KLF13: variants seen among roughly 807,000 people sequenced by gnomAD.
KLF13 encodes Krueppel-like factor 13.
In KLF13, 8 loss-of-function variants were observed where a neutral mutation model predicts 16.7. The observed-to-expected ratio is 0.48, with a 90% CI of 0.28 to 0.87. The LOEUF (loss-of-function observed/expected upper bound fraction) is 0.87. Ranked by LOEUF, KLF13 falls within the 40% of genes least tolerant of loss-of-function variation. KLF13 has a pLI of 0.10. For synonymous variants in KLF13, 245 were observed against 208.4 expected, an observed-to-expected ratio of 1.18 and a Z score of -1.51; for missense variants, 447 against 452.2, an observed-to-expected ratio of 0.99 and a Z score of 0.10.
intron 2 of KLF13, among the ~76,000 whole-genome samples, chr15:31,398,464 C>A (rs760970520): frequency 7.9e-5 from 12 of 152,162 alleles, no homozygotes; most frequent in Non-Finnish European, 1.3e-4. Context: ...GGCCCTGGGG[C>A]CAACCCCGCA....
At chr15:31,398,014 T>C (rs1333862588) in intron 2 of KLF13, among the ~76,000 whole-genome samples, 1 of 152,066 alleles carries the variant, frequency 6.6e-6, no homozygotes, top group Non-Finnish European at 1.5e-5. Flanking sequence ...GAGTTTATCT[T>C]GGGTTTTACG....
chr15:31,405,115 T>C (rs1421167981), downstream of KLF13, among the ~76,000 whole-genome samples: 1 of 152,150 alleles, frequency 6.6e-6, no homozygotes, highest in East Asian at 1.9e-4. Context: ...GGGAGGTGAC[T>C]AGGTCATGCG....
rs991265088 is a variant in KLF13, at chr15:31,423,185, G to T, written n.118-12185G>T. On this transcript the variant is annotated intron_variant and non_coding_transcript_variant, in intron 1 of 1. Coordinates refer to the KLF13 transcript ENST00000558225. ...TATATGTATATATATACATATATAC[G>T]TATATATATATATCAGTAGCTCACT... Among the ~76,000 whole-genome samples the T allele has an allele frequency of 6.5e-5, 7 of 107,100 alleles. No individual in the cohort carries two copies. The East Asian group carries it at 1.3e-3, about 20-fold the overall frequency. 70.3% of individuals were successfully genotyped at this position (107,100 alleles called of 152,430 possible).
At chr15:31,381,463 A>C (rs1420430033), downstream of KLF13, among the ~76,000 whole-genome samples, 2 of 152,020 alleles carry the variant, frequency 1.3e-5, no homozygotes, top group African/African-American at 4.8e-5. Context: ...TCTCCCTCTT[A>C]TAAGGACCTC....
intron 1 of KLF13, among the ~76,000 whole-genome samples, chr15:31,358,643 G>A (rs2039336839): frequency 6.6e-6 from 1 of 152,128 alleles, no homozygotes; most frequent in Non-Finnish European, 1.5e-5. Context: ...GATACAAATT[G>A]CCTTTACTTT....
chr15:31,395,128 C>T (rs569418830), intron 2 of KLF13, among the ~76,000 whole-genome samples: 5 of 152,180 alleles, frequency 3.3e-5, no homozygotes, highest in South Asian at 2.1e-4. Flanking sequence ...TGCAGATGCC[C>T]GCCACCACGC....
intron 1 of KLF13, among the ~76,000 whole-genome samples, chr15:31,425,298 G>A (rs749585968): frequency 6.6e-6 from 1 of 152,066 alleles, no homozygotes; most frequent in Non-Finnish European, 1.5e-5. Flanking sequence ...AATGTATATG[G>A]AATCCTAAAG....
At chr15:31,340,543 A>G (rs755958268) in intron 1 of KLF13, among the ~76,000 whole-genome samples, 2 of 152,200 alleles carry the variant, frequency 1.3e-5, no homozygotes, top group Non-Finnish European at 2.9e-5. Context: ...CACCCCCTTC[A>G]AAGATGTATG....
intron 1 of KLF13, among the ~76,000 whole-genome samples, chr15:31,413,187 C>CAAAAAAAAAAAAAAAAAAAAAAA (rs1161762538): frequency 1.6e-5 from 1 of 63,346 alleles, no homozygotes; most frequent in Non-Finnish European, 3.7e-5. Context: ...AATGAATAGA[C>CAAAAAAAAAAAAAAAAAAAAAAA]AAAAAAAAAA....
At chr15:31,330,126 C>T (rs1187683207) in intron 1 of KLF13, among the ~76,000 whole-genome samples, 2 of 152,140 alleles carry the variant, frequency 1.3e-5, no homozygotes, top group Non-Finnish European at 2.9e-5. Flanking sequence ...GAGGAGCTTG[C>T]TGTTGGGGGA....
intron 1 of KLF13, among the ~76,000 whole-genome samples, chr15:31,387,174 C>G (rs1429539549): frequency 6.6e-6 from 1 of 152,168 alleles, no homozygotes; most frequent in Non-Finnish European, 1.5e-5. Flanking sequence ...GAAGTTTTAC[C>G]GTGGGTAAAA....
intron 2 of KLF13, among the ~76,000 whole-genome samples, chr15:31,400,401 T>G (rs2040017675): frequency 6.7e-6 from 1 of 150,042 alleles, no homozygotes; most frequent in Admixed American, 6.6e-5. Context: ...GCAGTTTAAT[T>G]AGGTTGCTCA....
intron 1 of KLF13, among the ~76,000 whole-genome samples, chr15:31,335,624 T>G (rs1304616609): frequency 6.6e-6 from 1 of 152,174 alleles, no homozygotes; most frequent in Admixed American, 6.5e-5. Context: ...TTTATTGTTC[T>G]CCATTTTTGA....
In KLF13 at chr15:31,431,212, G is replaced by A. The variant is rs1332566815; in HGVS notation, n.118-4158G>A. ...TACAACCTGGAAGCGAGCCCTCACC[G>A]AGAACCCAACTATCCTGGCACCTTG... On this transcript the variant is annotated intron_variant and non_coding_transcript_variant, in intron 1 of 1. Coordinates refer to the KLF13 transcript ENST00000558225. 4.6e-5 allele frequency among the ~76,000 whole-genome samples: 7 copies of A among 152,074 alleles called. 1 individual carries two copies. The South Asian group carries it at 1.0e-3, about 23-fold the overall frequency.
intron 1 of KLF13, among the ~76,000 whole-genome samples, chr15:31,424,784 A>C (rs910996299): frequency 7.2e-5 from 11 of 152,130 alleles, no homozygotes; most frequent in Non-Finnish European, 1.0e-4. Flanking sequence ...GGAATTAGAC[A>C]AGAAGAAAGA....
intron 1 of KLF13, among the ~76,000 whole-genome samples, chr15:31,356,121 C>A (rs2140952364): frequency 6.6e-6 from 1 of 152,242 alleles, no homozygotes; most frequent in Non-Finnish European, 1.5e-5. Flanking sequence ...GTTCTTATTT[C>A]ATCACCCAGG....
chr15:31,402,583 G>C (rs983823118), intron 2 of KLF13, among the ~76,000 whole-genome samples: 16 of 152,256 alleles, frequency 1.1e-4, no homozygotes, highest in Non-Finnish European at 2.2e-4. Flanking sequence ...GGTCCGACCT[G>C]GCTGTCAGCG....
At position 31,327,101 on chromosome 15, in the gene KLF13, A is replaced by C; in HGVS notation, c.-112A>C. Reference sequence around the variant, plus strand: ...GCCCAGCCCAGCCCAGCCCAGCCCGAGGAGAGGGCGCGCCGCGCCCCCGCC... The same window carrying C: ...GCCCAGCCCAGCCCAGCCCAGCCCGCGGAGAGGGCGCGCCGCGCCCCCGCC... On this transcript the variant is annotated 5_prime_UTR_variant, in exon 1 of 2. Transcript: ENST00000307145. 2.1e-4 allele frequency: 116 copies of C among 539,566 alleles called. No homozygotes were observed. Among genetic ancestry groups the C allele is most frequent in the Non-Finnish European group, 2.6e-4 (105 of 407,152 alleles). 33.4% of individuals were successfully genotyped at this position (539,566 alleles called of 1,614,324 possible).
chr15:31,420,960 T>A (rs1239857339), intron 1 of KLF13, among the ~76,000 whole-genome samples: 2 of 152,200 alleles, frequency 1.3e-5, no homozygotes, highest in African/African-American at 4.8e-5. Context: ...CCCAAAGTGT[T>A]GGGATTACAG....
Sources: gnomAD v4.1 joint callset for allele counts (sites outside exome capture counted in the v4.1 genomes callset) on GRCh38, gnomAD v4.1.1 for gene constraint, MANE v1.5 for transcripts, NCBI Gene and HGNC (gene_info 2026-07-23, HGNC 2026-07-21) for gene names.